The following SLC28A3 variants were observed in gnomAD, a reference collection of about 807,000 sequenced individuals.
The protein encoded by SLC28A3 is solute carrier family 28 member 3.
In SLC28A3, 68 loss-of-function variants were observed where a neutral mutation model predicts 84.2. That is an observed-to-expected ratio of 0.81 (90% CI 0.66 to 0.99). SLC28A3 has a LOEUF of 0.99. SLC28A3 is among the 50% of genes least tolerant of loss of function. The probability of loss-of-function intolerance (pLI) is 0.00; values close to 1 mark genes in which losing one functional copy is unlikely to be tolerated. For synonymous variants in SLC28A3, 267 were observed against 303.6 expected (o/e 0.88, Z 1.25); for missense variants, 712 against 841.5 (o/e 0.85, Z 1.90).
At chr9:84,309,756 C>T in intron 2 of SLC28A3, 42 bp from the exon 3 acceptor site, 10 of 1,568,978 alleles carry the variant, frequency 6.4e-6, no homozygotes, top group Non-Finnish European at 8.8e-6. Context: ...TAATGAGCAT[C>T]CTGGGCATAA....
chr9:84,353,568 G>A, the SLC28A3 span, among the ~76,000 whole-genome samples: 2 of 152,146 alleles, frequency 1.3e-5, no homozygotes, highest in Admixed American at 6.6e-5. Flanking sequence ...AAATTAGCCA[G>A]GCGTGTTGAT....
At chr9:84,361,772 G>A in the SLC28A3 span, among the ~76,000 whole-genome samples, 1 of 151,768 alleles carries the variant, frequency 6.6e-6, no homozygotes, top group African/African-American at 2.4e-5. Context: ...AATAAGCTGG[G>A]CACAATGGCT....
chr9:84,342,671 C>A (rs1190258854), upstream of SLC28A3, among the ~76,000 whole-genome samples: 1 of 151,974 alleles, frequency 6.6e-6, no homozygotes, highest in Non-Finnish European at 1.5e-5. Flanking sequence ...TCCCACCTGC[C>A]TTGGTTTCCA....
At chr9:84,291,897 A>G (rs1200292084) in intron 10 of SLC28A3, among the ~76,000 whole-genome samples, 3 of 151,800 alleles carry the variant, frequency 2.0e-5, no homozygotes, top group Non-Finnish European at 2.9e-5. Flanking sequence ...TTACTGATCC[A>G]CCCCTTAGCC....
At chr9:84,322,438 G>T (rs1826410774) in intron 1 of SLC28A3, among the ~76,000 whole-genome samples, 1 of 152,134 alleles carries the variant, frequency 6.6e-6, no homozygotes, top group Non-Finnish European at 1.5e-5. Flanking sequence ...TCAAACTCAG[G>T]TCTACATTTG....
At chr9:84,289,859 T>C (rs1825142649) in intron 11 of SLC28A3, 1 of 234,628 alleles carries the variant, frequency 4.3e-6, no homozygotes, top group East Asian at 9.1e-5. Flanking sequence ...ACTGATGTAA[T>C]AATTTTTTTT....
At chr9:84,362,067 C>A in the SLC28A3 span, among the ~76,000 whole-genome samples, 1 of 152,096 alleles carries the variant, frequency 6.6e-6, no homozygotes, top group South Asian at 2.1e-4. Context: ...CAGGACAACC[C>A]GACTTATTAG....
At chr9:84,366,985 C>T in the SLC28A3 span, among the ~76,000 whole-genome samples, 2 of 152,190 alleles carry the variant, frequency 1.3e-5, no homozygotes, top group Non-Finnish European at 2.9e-5. Flanking sequence ...TCAGCAAGCT[C>T]CCCCAGGCCT....
chr9:84,342,781 C>G (rs142629249), upstream of SLC28A3, among the ~76,000 whole-genome samples: 527 of 152,268 alleles, frequency 3.5e-3, 2 homozygotes, highest in African/African-American at 0.012. Context: ...ATTAAAATAA[C>G]ATAAGCTATT....
chr9:84,344,873 T>A (rs1243199495), upstream of SLC28A3, among the ~76,000 whole-genome samples: 1 of 152,226 alleles, frequency 6.6e-6, no homozygotes, highest in Non-Finnish European at 1.5e-5. Flanking sequence ...ATTTGATTGA[T>A]GTCCCATGCC....
intron 1 of SLC28A3, among the ~76,000 whole-genome samples, chr9:84,334,749 A>C (rs1826910638): frequency 6.8e-6 from 1 of 146,268 alleles, no homozygotes; most frequent in South Asian, 2.2e-4. Context: ...TTCTGCTACC[A>C]TTTTTCCTAG....
chr9:84,344,371 T>C (rs1471430194), upstream of SLC28A3, among the ~76,000 whole-genome samples: 1 of 151,926 alleles, frequency 6.6e-6, no homozygotes, highest in Non-Finnish European at 1.5e-5. Context: ...ACATTTTTAG[T>C]AGAAACAGAA....
chr9:84,340,079 C>T (rs2118640602), intron 1 of SLC28A3, among the ~76,000 whole-genome samples: 1 of 152,324 alleles, frequency 6.6e-6, no homozygotes, highest in African/African-American at 2.4e-5. Context: ...CAGCCTCGGG[C>T]TGAGCAGCAT....
intron 2 of SLC28A3, among the ~76,000 whole-genome samples, chr9:84,312,823 G>A (rs1032298844): frequency 1.3e-5 from 2 of 152,142 alleles, no homozygotes; most frequent in African/African-American, 4.8e-5. Context: ...ACAGGCATAA[G>A]CCACCGTGCC....
chr9:84,366,137 C>A, the SLC28A3 span, among the ~76,000 whole-genome samples: 1 of 152,066 alleles, frequency 6.6e-6, no homozygotes, highest in Non-Finnish European at 1.5e-5. Flanking sequence ...TGGCTTCAAG[C>A]TCACTAATTC....
intron 5 of SLC28A3, among the ~76,000 whole-genome samples, chr9:84,300,534 T>C (rs1414220181): frequency 6.6e-6 from 1 of 152,196 alleles, no homozygotes; most frequent in East Asian, 1.9e-4. Flanking sequence ...GACTCACGGC[T>C]TGCACAGCAG....
chr9:84,284,061 C>T (rs1376206429), intron 14 of SLC28A3, among the ~76,000 whole-genome samples: 2 of 152,198 alleles, frequency 1.3e-5, no homozygotes, highest in African/African-American at 4.8e-5. Context: ...TCTCTACCCT[C>T]GTAATAACCT....
chr9:84,326,138 A>G (rs1283853136), intron 1 of SLC28A3, among the ~76,000 whole-genome samples: 1 of 152,146 alleles, frequency 6.6e-6, no homozygotes, highest in Non-Finnish European at 1.5e-5. Context: ...TTCATGCTTA[A>G]TCATTTCTAT....
rs765297435 is a variant in SLC28A3, at chr9:84,322,277, G to A, written c.61-8823C>T. Among the ~76,000 whole-genome samples, 40 of 152,206 alleles carry A rather than the reference G, an allele frequency of 2.6e-4. 1 individual carries two copies. Among genetic ancestry groups the A allele is most frequent in the Admixed American group, 2.4e-3 (36 of 15,276 alleles). ...AAAGAGAGGGAGAGATAAAGGTAGT[G>A]TAAAGAGACATTGGACATCATTAAT... On this transcript the variant is annotated intron_variant, in intron 1 of 17. Transcript: ENST00000376238.
Sources: allele counts gnomAD v4.1 joint callset (sites outside exome capture counted in the v4.1 genomes callset), GRCh38; gene constraint gnomAD v4.1.1; transcripts MANE v1.5; gene names NCBI Gene and HGNC (gene_info 2026-07-23, HGNC 2026-07-21).